Variants in HMCN1 observed in about 807,000 individuals in gnomAD.
HMCN1 encodes hemicentin 1, also known as hemicentin-1.
A neutral mutation model predicts 625.9 loss-of-function variants in HMCN1; 321 were observed. The ratio of observed to expected loss-of-function variants is 0.51; its 90% CI spans 0.47 to 0.56. The LOEUF (loss-of-function observed/expected upper bound fraction) is 0.56. Among genes scored for constraint, HMCN1 ranks in the 20% least tolerant of loss-of-function variants. The pLI is 0.00. For synonymous variants in HMCN1, 2,425 were observed against 2,417.6 expected (o/e 1.00, Z -0.09); for missense variants, 6,588 against 6,887.3 (o/e 0.96, Z 1.54).
intron 4 of HMCN1, among the ~76,000 whole-genome samples, chr1:185,901,127 C>T (rs769252218): frequency 2.8e-4 from 43 of 151,824 alleles, no homozygotes; most frequent in Non-Finnish European, 5.8e-4. Context: ...AGGCACATGA[C>T]AGGACAATGG....
chr1:185,740,920 G>A (rs952879543), intron 1 of HMCN1, among the ~76,000 whole-genome samples: 34 of 152,148 alleles, frequency 2.2e-4, no homozygotes, highest in Non-Finnish European at 4.6e-4. Context: ...CTCGAACCCT[G>A]GAGGTGGAGG....
rs116201177 is a variant in HMCN1, at chr1:185,807,801, A to T, written c.269-38225A>T. ...TAATACTTTTTTTCCTTGCAGTCTGAAAGATGAGAGATAACAAATTAAGTG... is the reference window on the plus strand; with the variant it reads ...TAATACTTTTTTTCCTTGCAGTCTGTAAGATGAGAGATAACAAATTAAGTG... On this transcript the variant is annotated intron_variant, in intron 1 of 106. Coordinates refer to ENST00000271588, the MANE Select transcript of HMCN1 (RefSeq NM_031935.3). Among the ~76,000 whole-genome samples, 115 of 152,268 alleles carry T rather than the reference A, an allele frequency of 7.6e-4. 1 individual carries two copies. Among genetic ancestry groups the T allele is most frequent in the South Asian group, 4.1e-4 (2 of 4,832 alleles).
chr1:185,865,904 T>C (rs1015079076), intron 4 of HMCN1, 41 bp downstream of exon 4: 16 of 1,606,766 alleles, frequency 1.0e-5, no homozygotes, highest in Non-Finnish European at 1.3e-5. Flanking sequence ...ACCAGCTGCC[T>C]TATCAAAATC....
chr1:186,134,288 G>A (rs1649435438), intron 86 of HMCN1, among the ~76,000 whole-genome samples: 1 of 152,148 alleles, frequency 6.6e-6, no homozygotes, highest in Admixed American at 6.5e-5. Flanking sequence ...GAATGTTCAA[G>A]GATGGTATCT....
At position 185,836,516 on chromosome 1, in the gene HMCN1, G is replaced by T. The variant is rs186410231; in HGVS notation, c.269-9510G>T. 5.1e-3 allele frequency among the ~76,000 whole-genome samples: 783 copies of T among 152,102 alleles called. 5 individuals are homozygous for T. Among genetic ancestry groups the T allele is most frequent in the Middle Eastern group, 0.01 (3 of 294 alleles). ...TAGTTGATTCCTAATATTATTTAGA[G>T]AATTATATGTTTTTAACCATTTCTC... On this transcript the variant is annotated intron_variant, in intron 1 of 106. Transcript: ENST00000271588.
chr1:185,787,031 A>G (rs149662635), intron 1 of HMCN1, among the ~76,000 whole-genome samples: 270 of 152,246 alleles, frequency 1.8e-3, no homozygotes, highest in Non-Finnish European at 2.9e-3. Context: ...TAATTTAATA[A>G]GCTAGAATAT....
Position 185,995,033 on chromosome 1 carries a change from G to C in HMCN1, c.3724G>C (p.Val1242Leu), listed in dbSNP as rs1652691675. Residue 1242 changes from valine (V) to leucine (L), a missense_variant, in exon 24 of 107, where the codon GTT becomes CTT. Coordinates refer to ENST00000271588, the MANE Select transcript of HMCN1 (RefSeq NM_031935.3). ...TPSDAGIYTC[V>L]ATNIAGTDET... ...CTCAGATGCTGGCATATATACATGT[G>C]TTGCTACTAACATAGCAGGCACTGA... The C allele has an allele frequency of 6.2e-7, 1 of 1,613,642 alleles. No homozygotes were observed. The highest frequency in any genetic ancestry group is 8.5e-7 in the Non-Finnish European group (1 of 1,179,684).
At chr1:186,161,034 A>G (rs1651431710) in intron 97 of HMCN1, among the ~76,000 whole-genome samples, 1 of 152,206 alleles carries the variant, frequency 6.6e-6, no homozygotes, top group Non-Finnish European at 1.5e-5. Flanking sequence ...AAAGTCTCCC[A>G]TTATTAATGT....
chr1:185,850,723 G>A (rs1174809404), intron 2 of HMCN1, among the ~76,000 whole-genome samples: 2 of 151,678 alleles, frequency 1.3e-5, no homozygotes, highest in Non-Finnish European at 2.9e-5. Flanking sequence ...AAAAGCTGGG[G>A]TCTATTTCTC....
chr1:186,053,007 G>A lies in HMCN1; in HGVS notation c.6633G>A (p.Gly2211=). 1.7e-5 allele frequency: 27 copies of A among 1,606,972 alleles called. 1 individual carries two copies. Among genetic ancestry groups the A allele is most frequent in the Non-Finnish European group, 2.3e-5 (27 of 1,174,160 alleles). ...TTACTCAACTTACAGTCATTGAAGG[G>A]AATCTCATTAGTCTGTTGTGTGAAT... ...DELTQLTVIE[G]NLISLLCESS... Residue 2211 remains glycine (G), a synonymous_variant, in exon 43 of 107, where the codon GGG becomes GGA. Coordinates refer to ENST00000271588, the MANE Select transcript of HMCN1 (RefSeq NM_031935.3).
intron 1 of HMCN1, among the ~76,000 whole-genome samples, chr1:185,747,651 C>G (rs1441941269): frequency 6.6e-6 from 1 of 152,064 alleles, no homozygotes; most frequent in African/African-American, 2.4e-5. Flanking sequence ...TTAATAAAGT[C>G]GTATTTAATC....
At chr1:185,954,155 GGA>G (rs750342948) in intron 11 of HMCN1, among the ~76,000 whole-genome samples, 125 of 152,252 alleles carry the variant, frequency 8.2e-4, no homozygotes, top group Admixed American at 2.7e-3. Flanking sequence ...AGGCCATCTG[GGA>G]GTATATAAGT....
intron 69 of HMCN1, among the ~76,000 whole-genome samples, chr1:186,105,078 G>A (rs561804499): frequency 6.6e-6 from 1 of 152,296 alleles, no homozygotes; most frequent in East Asian, 1.9e-4. Context: ...GTGTCATAGA[G>A]TGTTAAATGA....
At chr1:186,185,312 A>AT (rs1264631058) in intron 105 of HMCN1, among the ~76,000 whole-genome samples, 2 of 152,092 alleles carry the variant, frequency 1.3e-5, no homozygotes, top group Non-Finnish European at 2.9e-5. Context: ...ATGAAGAGAA[A>AT]TTTTTTTAAT....
intron 36 of HMCN1, among the ~76,000 whole-genome samples, chr1:186,029,046 G>A (rs1487341554): frequency 6.6e-6 from 1 of 151,742 alleles, no homozygotes; most frequent in Admixed American, 6.6e-5. Flanking sequence ...AAAAGCATAT[G>A]TTTTATATGG....
chr1:186,068,074 A>G, intron 50 of HMCN1, 67 bp downstream of exon 50: 6 of 1,389,570 alleles, frequency 4.3e-6, no homozygotes, highest in Non-Finnish European at 6.1e-6. Context: ...AAGCAGAATC[A>G]TTGGTTACTT....
rs1325545586 is a variant in HMCN1 at position 186,016,217 on chromosome 1, C to A, written c.5169C>A (p.Ile1723=). The A allele has an allele frequency of 2.5e-6, 4 of 1,612,898 alleles. No individual in the cohort carries two copies. Among genetic ancestry groups the A allele is most frequent in the South Asian group, 2.2e-5 (2 of 91,006 alleles). ...VATSVAGEKE[I]KYEVDVLVPP... ...CCAGTGTGGCAGGAGAAAAGGAAAT[C>A]AAATATGAAGTTGATGTCTTGGGTA... The change falls in exon 32 of 107, where the codon ATC becomes ATA. Residue 1723 remains isoleucine (I), a synonymous_variant. Transcript: ENST00000271588.
chr1:186,053,681 A>G (rs554070449), intron 43 of HMCN1, 144 bp from the exon 44 acceptor site: 4 of 783,664 alleles, frequency 5.1e-6, no homozygotes, highest in Admixed American at 4.7e-5. Flanking sequence ...CTGCTCCTTC[A>G]TTTTACACAC....
intron 18 of HMCN1, among the ~76,000 whole-genome samples, chr1:185,982,693 G>A (rs919456140): frequency 2.0e-4 from 30 of 151,824 alleles, no homozygotes; most frequent in African/African-American, 6.8e-4. Flanking sequence ...CATCCACCTC[G>A]GCCTCTCAAA....
Sources: allele counts gnomAD v4.1 joint callset (sites outside exome capture counted in the v4.1 genomes callset), GRCh38; gene constraint gnomAD v4.1.1; transcripts MANE v1.5; gene names NCBI Gene and HGNC (gene_info 2026-07-23, HGNC 2026-07-21).